The following CACNA1E variants were observed in gnomAD, a reference collection of about 807,000 sequenced individuals.
CACNA1E encodes the protein calcium voltage-gated channel subunit alpha1 E, also known as voltage-dependent R-type calcium channel subunit alpha-1E.
Under a neutral mutation model 259.2 loss-of-function variants are expected in CACNA1E, and 40 were observed. That is an observed-to-expected ratio of 0.15 (90% CI 0.12 to 0.20). The LOEUF (loss-of-function observed/expected upper bound fraction) is 0.20. Ranked by LOEUF, CACNA1E falls within the 10% of genes least tolerant of loss-of-function variation. The pLI is 1.00. For synonymous variants in CACNA1E, 1,104 were observed against 1,138.5 expected (o/e 0.97, Z 0.61); for missense variants, 1,874 against 3,040.1 (o/e 0.62, Z 9.02).
chr1:181,574,622 C>G (rs577167991), intron 3 of CACNA1E, among the ~76,000 whole-genome samples: 10 of 152,270 alleles, frequency 6.6e-5, no homozygotes, highest in Middle Eastern at 3.4e-3. Context: ...GTGGGAGAGA[C>G]AGATGAGAAA....
At chr1:181,658,432 G>A (rs1014766171) in intron 7 of CACNA1E, among the ~76,000 whole-genome samples, 3 of 152,214 alleles carry the variant, frequency 2.0e-5, no homozygotes, top group African/African-American at 7.2e-5. Context: ...AAGTTACTCT[G>A]AGCCTGCTTC....
intron 3 of CACNA1E, among the ~76,000 whole-genome samples, chr1:181,522,176 C>T (rs1667040452): frequency 6.6e-6 from 1 of 152,016 alleles, no homozygotes. Flanking sequence ...TCCTTCTTGC[C>T]CCCTCCTTCC....
intron 6 of CACNA1E, among the ~76,000 whole-genome samples, chr1:181,584,223 G>C (rs1372746545): frequency 6.6e-6 from 1 of 152,160 alleles, no homozygotes; most frequent in Non-Finnish European, 1.5e-5. Context: ...CTGAAGTCTA[G>C]TATGTTTCAT....
chr1:181,665,620 C>T (rs1648144834), intron 7 of CACNA1E, among the ~76,000 whole-genome samples: 1 of 152,004 alleles, frequency 6.6e-6, no homozygotes, highest in African/African-American at 2.4e-5. Context: ...TTGTTCTCAC[C>T]ACAAAGAAAT....
At chr1:181,704,312 T>C (rs1216946206) in intron 7 of CACNA1E, among the ~76,000 whole-genome samples, 1 of 152,162 alleles carries the variant, frequency 6.6e-6, no homozygotes, top group Admixed American at 6.5e-5. Context: ...ATAGAAACAT[T>C]GAAGAGGCTC....
chr1:181,343,962 C>A (rs1162316115), intron 1 of CACNA1E, among the ~76,000 whole-genome samples: 1 of 152,178 alleles, frequency 6.6e-6, no homozygotes, highest in South Asian at 2.1e-4. Flanking sequence ...GTCCCTACCC[C>A]CCTCACCTGG....
intron 3 of CACNA1E, among the ~76,000 whole-genome samples, chr1:181,570,256 G>T (rs1373686495): frequency 6.6e-6 from 1 of 152,016 alleles, no homozygotes; most frequent in Non-Finnish European, 1.5e-5. Context: ...TCCTCGGGGG[G>T]AGTCTTGCTC....
At chr1:181,420,466 A>G (rs1001405961) in intron 2 of CACNA1E, among the ~76,000 whole-genome samples, 1 of 152,206 alleles carries the variant, frequency 6.6e-6, no homozygotes, top group Non-Finnish European at 1.5e-5. Flanking sequence ...TAATACTTTA[A>G]TATAGTTCTC....
At chr1:181,733,366 C>G in intron 20 of CACNA1E, 71 bp from the exon 21 acceptor site, 1 of 1,354,686 alleles carries the variant, frequency 7.4e-7, no homozygotes, top group Non-Finnish European at 1.0e-6. Context: ...CCGCCTTCCC[C>G]TTGTGCCAGG....
chr1:181,470,426 T>C (rs1307241216), intron 2 of CACNA1E, among the ~76,000 whole-genome samples: 1 of 152,186 alleles, frequency 6.6e-6, no homozygotes, highest in Non-Finnish European at 1.5e-5. Flanking sequence ...CTCTCTATGT[T>C]GCCCAGGCTG....
intron 6 of CACNA1E, among the ~76,000 whole-genome samples, chr1:181,646,698 C>T (rs1171710182): frequency 1.3e-5 from 2 of 152,170 alleles, no homozygotes; most frequent in Non-Finnish European, 2.9e-5. Context: ...GCTCAGGGGA[C>T]CCATGGGGCC....
At chr1:181,537,815 T>C (rs1668289783) in intron 3 of CACNA1E, among the ~76,000 whole-genome samples, 1 of 152,202 alleles carries the variant, frequency 6.6e-6, no homozygotes, top group Non-Finnish European at 1.5e-5. Context: ...CTATTGCCAT[T>C]TTATAGATGA....
At chr1:181,484,324 A>G (rs978588191) in intron 1 of CACNA1E, among the ~76,000 whole-genome samples, 14 of 151,562 alleles carry the variant, frequency 9.2e-5, no homozygotes, top group Non-Finnish European at 1.9e-4. Flanking sequence ...CTCCCTTCAC[A>G]TGCCGCCCTC....
At chr1:181,748,106 T>A (rs1294596595) in intron 25 of CACNA1E, among the ~76,000 whole-genome samples, 1 of 152,234 alleles carries the variant, frequency 6.6e-6, no homozygotes, top group African/African-American at 2.4e-5. Flanking sequence ...TGATGAAAGA[T>A]GCGTAGAGCA....
chr1:181,570,940 C>T (rs934815536), intron 3 of CACNA1E, among the ~76,000 whole-genome samples: 6 of 152,318 alleles, frequency 3.9e-5, no homozygotes, highest in Non-Finnish European at 7.4e-5. Flanking sequence ...CCTCTTTTCC[C>T]AGCCTGGTCT....
intron 1 of CACNA1E, among the ~76,000 whole-genome samples, chr1:181,497,077 G>A (rs1664818993): frequency 6.6e-6 from 1 of 152,104 alleles, no homozygotes; most frequent in Non-Finnish European, 1.5e-5. Flanking sequence ...TTCTCATAGA[G>A]AGGTATTTAT....
intron 2 of CACNA1E, among the ~76,000 whole-genome samples, chr1:181,420,657 A>G (rs923290296): frequency 2.6e-5 from 4 of 152,206 alleles, no homozygotes; most frequent in African/African-American, 7.2e-5. Flanking sequence ...CACTGGCTAT[A>G]TGGTAGGTGA....
intron 2 of CACNA1E, among the ~76,000 whole-genome samples, chr1:181,417,334 A>G (rs181160128): frequency 6.6e-6 from 1 of 152,242 alleles, no homozygotes; most frequent in African/African-American, 2.4e-5. Flanking sequence ...TCTTCTACCA[A>G]CTTCTAAGAT....
chr1:181,391,119 C>G (rs937028453), intron 1 of CACNA1E, among the ~76,000 whole-genome samples: 1 of 152,212 alleles, frequency 6.6e-6, no homozygotes, highest in African/African-American at 2.4e-5. Context: ...CAATTTTACT[C>G]TTTATTCATT....
Sources: allele counts gnomAD v4.1 joint callset (sites outside exome capture counted in the v4.1 genomes callset), GRCh38; gene constraint gnomAD v4.1.1; transcripts MANE v1.5; gene names NCBI Gene and HGNC (gene_info 2026-07-23, HGNC 2026-07-21).